The following PTPDC1 variants were observed in gnomAD, a reference collection of about 807,000 sequenced individuals.
The protein encoded by PTPDC1 is protein tyrosine phosphatase domain containing 1.
A neutral mutation model predicts 75.3 loss-of-function variants in PTPDC1; 53 were observed. The observed-to-expected ratio is 0.70, with a 90% CI of 0.56 to 0.88. The LOEUF is 0.88. Among genes scored for constraint, PTPDC1 ranks in the 40% least tolerant of loss-of-function variants. The pLI is 0.00. For synonymous variants in PTPDC1, 349 were observed against 366.2 expected, an observed-to-expected ratio of 0.95 and a Z score of 0.54; for missense variants, 925 against 998.6, an observed-to-expected ratio of 0.93 and a Z score of 0.99.
intron 1 of PTPDC1, among the ~76,000 whole-genome samples, chr9:94,033,781 G>C (rs1829771990): frequency 3.3e-5 from 5 of 152,110 alleles, no homozygotes; most frequent in Admixed American, 3.3e-4. Context: ...ATTTTCTGGA[G>C]CACTTAACTG....
chr9:94,046,562 T>G (rs2118431689), intron 1 of PTPDC1, among the ~76,000 whole-genome samples: 1 of 152,328 alleles, frequency 6.6e-6, no homozygotes, highest in East Asian at 1.9e-4. Flanking sequence ...GTCCTTCACG[T>G]CCCTTGTAAG....
intron 1 of PTPDC1, among the ~76,000 whole-genome samples, chr9:94,050,628 G>T (rs568146751): frequency 6.6e-6 from 1 of 152,330 alleles, no homozygotes; most frequent in African/African-American, 2.4e-5. Context: ...CCCCTACTGG[G>T]GGGTGCCTCC....
At chr9:94,036,067 C>G (rs1825260586) in intron 1 of PTPDC1, among the ~76,000 whole-genome samples, 1 of 141,750 alleles carries the variant, frequency 7.1e-6, no homozygotes, top group South Asian at 2.2e-4. Context: ...GTATGAGTTC[C>G]TGATGTATTT....
intron 2 of PTPDC1, among the ~76,000 whole-genome samples, chr9:94,066,827 C>T (rs1025611083): frequency 6.6e-6 from 1 of 150,938 alleles, no homozygotes; most frequent in African/African-American, 2.4e-5. Context: ...CAAACTGCTG[C>T]GATTACAGAA....
intron 2 of PTPDC1, among the ~76,000 whole-genome samples, chr9:94,077,669 T>G (rs2078004032): frequency 6.6e-6 from 1 of 152,200 alleles, no homozygotes; most frequent in South Asian, 2.1e-4. Context: ...CTCAGCTCTT[T>G]GAACCCTATC....
chr9:94,099,533 A>C (rs893113492), intron 6 of PTPDC1, among the ~76,000 whole-genome samples: 2 of 152,240 alleles, frequency 1.3e-5, no homozygotes, highest in Non-Finnish European at 2.9e-5. Context: ...GGAGCTTCAC[A>C]TTAACTTTTA....
chr9:94,070,337 A>G (rs1826469946), intron 2 of PTPDC1, among the ~76,000 whole-genome samples: 1 of 152,150 alleles, frequency 6.6e-6, no homozygotes, highest in Non-Finnish European at 1.5e-5. Context: ...GCCCCACAGC[A>G]TATGCCATGC....
At chr9:94,070,884 A>G (rs556084540) in intron 2 of PTPDC1, among the ~76,000 whole-genome samples, 164 of 152,252 alleles carry the variant, frequency 1.1e-3, no homozygotes, top group African/African-American at 3.6e-3. Context: ...CGTGGTATGG[A>G]TGTACCACAG....
intron 1 of PTPDC1, among the ~76,000 whole-genome samples, chr9:94,050,181 A>C (rs1442523522): frequency 6.6e-6 from 1 of 152,024 alleles, no homozygotes; most frequent in Admixed American, 6.6e-5. Flanking sequence ...AGCTCGGAGT[A>C]GTTTGATCAT....
At chr9:94,037,881 GA>G (rs1446653059) in intron 1 of PTPDC1, 1 of 190,214 alleles carries the variant, frequency 5.3e-6, no homozygotes, top group Non-Finnish European at 1.1e-5. Context: ...TAACTCTTCA[GA>G]AAGTTCTACG....
At chr9:94,049,547 T>C (rs982910835) in intron 1 of PTPDC1, among the ~76,000 whole-genome samples, 2 of 152,230 alleles carry the variant, frequency 1.3e-5, no homozygotes, top group Non-Finnish European at 2.9e-5. Context: ...CGGCCCCCAC[T>C]CTCTTCTGGC....
At position 94,073,989 on chromosome 9, in the gene PTPDC1, A is replaced by C. The variant is rs2117917199; in HGVS notation, c.82+9168A>C. 1.3e-5 allele frequency among the ~76,000 whole-genome samples: 2 copies of C among 152,336 alleles called. 1 individual carries two copies. The highest frequency in any genetic ancestry group is 4.1e-4 in the South Asian group (2 of 4,828). ...TCCAGTTATTCTAGGAATCAGTGCCAAGACACATTATAATTAAAGTCCTTA... is the reference window on the plus strand; with the variant it reads ...TCCAGTTATTCTAGGAATCAGTGCCCAGACACATTATAATTAAAGTCCTTA... On this transcript the variant is annotated intron_variant, in intron 2 of 9. Transcript: ENST00000375360.
At chr9:94,063,475 A>G (rs551982358) in intron 1 of PTPDC1, among the ~76,000 whole-genome samples, 4 of 152,226 alleles carry the variant, frequency 2.6e-5, no homozygotes, top group Non-Finnish European at 5.9e-5. Context: ...AAAATTTTGC[A>G]TTAATTAGTA....
At chr9:94,106,401 T>G (rs190325493) in intron 8 of PTPDC1, among the ~76,000 whole-genome samples, 12 of 152,340 alleles carry the variant, frequency 7.9e-5, no homozygotes, top group Admixed American at 7.2e-4. Flanking sequence ...CAGATTTGCT[T>G]GCAGCCCCCT....
intron 1 of PTPDC1, among the ~76,000 whole-genome samples, chr9:94,059,786 C>G (rs183410657): frequency 1.2e-4 from 19 of 152,276 alleles, no homozygotes; most frequent in Admixed American, 1.2e-3. Context: ...CATTTATTCA[C>G]TTGAAACTTT....
At chr9:94,072,047 C>G (rs1455217534) in intron 2 of PTPDC1, among the ~76,000 whole-genome samples, 1 of 152,078 alleles carries the variant, frequency 6.6e-6, no homozygotes, top group Non-Finnish European at 1.5e-5. Context: ...CACTCTGTTG[C>G]CCAGGATGGG....
rs1419238563 is a variant in PTPDC1 at position 94,087,922 on chromosome 9, T to C, written c.497+11T>C. 7 of 1,607,624 alleles carry C rather than the reference T, an allele frequency of 4.4e-6. No individual in the cohort carries two copies. Among genetic ancestry groups the C allele is most frequent in the Non-Finnish European group, 6.0e-6 (7 of 1,174,238 alleles). ...TGATCAGTTCCTCAGGTAAATGCTG[T>C]ATTGTTCACACACGAGTGAGCAAAC... On this transcript the variant is annotated intron_variant, in intron 3 of 8. Coordinates refer to ENST00000620992, the MANE Select transcript of PTPDC1 (RefSeq NM_001253829.2).
chr9:94,090,931 G>C (rs1400484277), intron 4 of PTPDC1, among the ~76,000 whole-genome samples: 1 of 151,904 alleles, frequency 6.6e-6, no homozygotes, highest in Admixed American at 6.6e-5. Flanking sequence ...CATTGATTTT[G>C]TATCCTGAGA....
intron 2 of PTPDC1, among the ~76,000 whole-genome samples, chr9:94,069,458 A>G (rs1378632813): frequency 6.6e-6 from 1 of 151,480 alleles, no homozygotes; most frequent in Non-Finnish European, 1.5e-5. Context: ...AGTCAACTGT[A>G]TATTTATTTC....
Sources: gnomAD v4.1 joint callset for allele counts (sites outside exome capture counted in the v4.1 genomes callset) on GRCh38, gnomAD v4.1.1 for gene constraint, MANE v1.5 for transcripts, NCBI Gene and HGNC (gene_info 2026-07-23, HGNC 2026-07-21) for gene names.